SP6: variants seen among roughly 807,000 people sequenced by gnomAD.
SP6 encodes the protein Sp6 transcription factor, also known as transcription factor Sp6.
SP6 carries 10 observed loss-of-function variants against 23.4 expected under a neutral mutation model. The observed-to-expected ratio is 0.43, with a 90% CI of 0.26 to 0.72. The LOEUF (loss-of-function observed/expected upper bound fraction) is 0.72. Among genes scored for constraint, SP6 ranks in the 30% least tolerant of loss-of-function variants. The pLI is 0.23. For missense variants in SP6, 482 were observed against 523.8 expected (o/e 0.92, Z 0.78); for synonymous variants, 238 against 238.7 (o/e 1.00, Z 0.03).
At chr17:47,852,459 A>G (rs2033967864), upstream of SP6, among the ~76,000 whole-genome samples, 1 of 151,812 alleles carries the variant, frequency 6.6e-6, no homozygotes. Context: ...TAATTTCCCT[A>G]TTTCTTTCAT....
chr17:47,853,034 C>A (rs1243595293), upstream of SP6, among the ~76,000 whole-genome samples: 1 of 152,194 alleles, frequency 6.6e-6, no homozygotes, highest in East Asian at 1.9e-4. Context: ...CTAGCCCCAG[C>A]CCTGCACTTG....
At chr17:47,857,317 G>A (rs1232890528), upstream of SP6, among the ~76,000 whole-genome samples, 1 of 152,142 alleles carries the variant, frequency 6.6e-6, no homozygotes, top group Non-Finnish European at 1.5e-5. Flanking sequence ...TGTTAATACG[G>A]GAGCATTATC....
chr17:47,857,987 T>A (rs1452560545), upstream of SP6, among the ~76,000 whole-genome samples: 2 of 151,650 alleles, frequency 1.3e-5, no homozygotes, highest in Admixed American at 1.3e-4. Flanking sequence ...TCAGGTTTGA[T>A]GTTGCCGCTG....
the SP6 span, among the ~76,000 whole-genome samples, chr17:47,876,085 CAT>C: frequency 6.6e-6 from 1 of 152,156 alleles, no homozygotes. Flanking sequence ...TGTTTAAAGA[CAT>C]GTGTCACTGT....
At chr17:47,872,791 T>C in the SP6 span, among the ~76,000 whole-genome samples, 1 of 149,956 alleles carries the variant, frequency 6.7e-6, no homozygotes, top group Non-Finnish European at 1.5e-5. Context: ...AGGAGGTCCC[T>C]GTTTGGGAAG....
At chr17:47,857,768 TG>T (rs1191936967), upstream of SP6, among the ~76,000 whole-genome samples, 16 of 150,936 alleles carry the variant, frequency 1.1e-4, no homozygotes, top group Admixed American at 9.2e-4. Context: ...TAGCTTGGAG[TG>T]GGGGGCGGGA....
the SP6 span, among the ~76,000 whole-genome samples, chr17:47,867,145 C>T: frequency 6.6e-6 from 1 of 152,164 alleles, no homozygotes; most frequent in Non-Finnish European, 1.5e-5. Context: ...TATCGCGCTG[C>T]CCCAGTGAGG....
upstream of SP6, among the ~76,000 whole-genome samples, chr17:47,852,944 A>G (rs1226961885): frequency 2.6e-5 from 4 of 152,196 alleles, no homozygotes; most frequent in Admixed American, 2.6e-4. Context: ...ATTATTAAAT[A>G]AGTCAGTTCC....
At position 47,847,222 on chromosome 17, in the gene SP6, A is replaced by T; in HGVS notation, c.*77T>A. The T allele has an allele frequency of 1.4e-6, 2 of 1,386,176 alleles. No homozygotes were observed. The highest frequency in any genetic ancestry group is 1.9e-6 in the Non-Finnish European group (2 of 1,050,302). 85.9% of individuals were successfully genotyped at this position (1,386,176 alleles called of 1,614,324 possible). ...CGCACCTTCCCCTCTTCCTCAAGCC[A>T]CCCCCAAGGACGTCAGACCTGGGGG... On this transcript the variant is annotated 3_prime_UTR_variant, in exon 2 of 2. Coordinates refer to ENST00000536300, the MANE Select transcript of SP6 (RefSeq NM_001258248.2).
chr17:47,849,915 C>T (rs1350731262), intron 1 of SP6, among the ~76,000 whole-genome samples: 15 of 152,120 alleles, frequency 9.9e-5, no homozygotes, highest in Admixed American at 9.8e-4. Context: ...TGTTTCCTTC[C>T]TACAGCAGGG....
chr17:47,847,318 C>G lies in SP6; in HGVS notation c.1112G>C (p.Ser371Thr). The G allele has an allele frequency of 6.4e-7, 1 of 1,563,860 alleles. No homozygotes were observed. The highest frequency in any genetic ancestry group is 8.7e-7 in the Non-Finnish European group (1 of 1,154,198). Residue 371 changes from serine (S) to threonine (T), a missense_variant, in exon 2 of 2, where the codon AGC becomes ACC. Physicochemically the swap from Ser to Thr is moderately conservative, Grantham distance 58. This residue lies in a region of SP6 where 101 missense variants were observed against 99.3 expected (regional missense o/e 1.02). Transcript: ENST00000536300. The part of the protein sequence containing the change: ...GGKGKREAEG[S>T]VAPSN ...AGGAGCTCAGTTGGAGGGAGCCACG[C>G]TGCCCTCGGCCTCGCGTTTGCCTTT...
At chr17:47,852,955 A>C (rs4793680), upstream of SP6, among the ~76,000 whole-genome samples, 68,896 of 151,766 alleles carry the variant, frequency 0.45, 16,849 homozygotes, top group African/African-American at 0.62. Flanking sequence ...AGTCAGTTCC[A>C]GGTAAATATT....
Position 47,847,972 on chromosome 17 carries a change from C to T in SP6, c.458G>A (p.Gly153Glu). ...AAGCTGGTGGTCTCCGACGTAGCCCCCCAAGCCCGCCTGAAGCGCCCCCGG... is the reference window on the plus strand; with the variant it reads ...AAGCTGGTGGTCTCCGACGTAGCCCTCCAAGCCCGCCTGAAGCGCCCCCGG... ...GHPGALQAGL[G>E]GYVGDHQLCA... The change falls in exon 2 of 2, where the codon GGG (glycine) becomes GAG (glutamate). Residue 153 changes from glycine (G) to glutamate (E), a missense_variant. Around this residue, in one of 3 missense-constraint regions of SP6, gnomAD observed 330 missense variants for 332.3 expected, o/e 0.99. Coordinates refer to ENST00000536300, the MANE Select transcript of SP6 (RefSeq NM_001258248.2). The T allele has an allele frequency of 6.3e-7, 1 of 1,582,334 alleles. No individual in the cohort carries two copies. The highest frequency in any genetic ancestry group is 8.6e-7 in the Non-Finnish European group (1 of 1,164,128).
chr17:47,851,851 C>T (rs1167277422), upstream of SP6, among the ~76,000 whole-genome samples: 5 of 151,906 alleles, frequency 3.3e-5, no homozygotes, highest in East Asian at 9.7e-4. Flanking sequence ...CCTCTCCTCC[C>T]CTCTCCCAGC....
At chr17:47,868,898 G>A in the SP6 span, among the ~76,000 whole-genome samples, 1 of 152,224 alleles carries the variant, frequency 6.6e-6, no homozygotes, top group Non-Finnish European at 1.5e-5. Context: ...AGATGAAAGG[G>A]CGTCTTTGAA....
At chr17:47,874,741 C>T in the SP6 span, among the ~76,000 whole-genome samples, 5 of 152,068 alleles carry the variant, frequency 3.3e-5, no homozygotes, top group African/African-American at 1.2e-4. Context: ...CCCACCTGCA[C>T]CCAGGATGGA....
the SP6 span, among the ~76,000 whole-genome samples, chr17:47,866,293 C>A: frequency 6.6e-6 from 1 of 152,022 alleles, no homozygotes; most frequent in Non-Finnish European, 1.5e-5. Context: ...AAGGTGGAGG[C>A]AAGGCCAGGG....
At chr17:47,866,246 G>T in the SP6 span, among the ~76,000 whole-genome samples, 1 of 152,182 alleles carries the variant, frequency 6.6e-6, no homozygotes, top group African/African-American at 2.4e-5. Context: ...TGGAAAGAAC[G>T]TGGGTATCAG....
At chr17:47,853,326 T>C (rs926083949), upstream of SP6, among the ~76,000 whole-genome samples, 1 of 152,222 alleles carries the variant, frequency 6.6e-6, no homozygotes, top group Non-Finnish European at 1.5e-5. Context: ...TCTCCATCCA[T>C]TCAGCCTACA....
Sources: gnomAD v4.1 joint callset for allele counts (sites outside exome capture counted in the v4.1 genomes callset) on GRCh38, gnomAD v4.1.1 for gene constraint, gnomAD v4.1.1 regional missense constraint, MANE v1.5 for transcripts, NCBI Gene and HGNC (gene_info 2026-07-23, HGNC 2026-07-21) for gene names.